Variants in SLC38A1 observed in about 807,000 individuals in gnomAD.
SLC38A1 encodes sodium-coupled neutral amino acid symporter 1.
A neutral mutation model predicts 60.3 loss-of-function variants in SLC38A1; 18 were observed. The observed-to-expected ratio is 0.30, with a 90% CI of 0.21 to 0.44. The LOEUF (loss-of-function observed/expected upper bound fraction) is 0.44. Among genes scored for constraint, SLC38A1 ranks in the 20% least tolerant of loss-of-function variants. The pLI, the probability that SLC38A1 is intolerant of heterozygous loss-of-function variation, is 1.00. For missense variants in SLC38A1, 448 were observed against 587.2 expected (o/e 0.76, Z 2.45); for synonymous variants, 196 against 212.1 (o/e 0.92, Z 0.66).
Position 46,188,291 on chromosome 12 carries a change from T to C in SLC38A1, c.*679A>G, listed in dbSNP as rs1383192258. On this transcript the variant is annotated 3_prime_UTR_variant, in exon 17 of 17. Transcript: ENST00000398637. Reference sequence around the variant, plus strand: ...GGTAAGAATCATCCCCAACCACTTTTCAGCTGAGAACACTTGCCAGAGAAT... The same window carrying C: ...GGTAAGAATCATCCCCAACCACTTTCCAGCTGAGAACACTTGCCAGAGAAT... The C allele has an allele frequency of 1.3e-5, 2 of 152,274 alleles. No individual in the cohort carries two copies. Among genetic ancestry groups the C allele is most frequent in the Non-Finnish European group, 2.9e-5 (2 of 68,036 alleles). 9.4% of individuals were successfully genotyped at this position (152,274 alleles called of 1,614,324 possible).
At chr12:46,197,660 T>C (rs1939443269) in intron 16 of SLC38A1, 60 bp downstream of exon 16, 1 of 1,125,526 alleles carries the variant, frequency 8.9e-7, no homozygotes, top group African/African-American at 1.6e-5. Context: ...GGACTATTTA[T>C]TTTGTAAATT....
chr12:46,196,519 T>C (rs1411671191), intron 16 of SLC38A1, among the ~76,000 whole-genome samples: 1 of 152,196 alleles, frequency 6.6e-6, no homozygotes, highest in Non-Finnish European at 1.5e-5. Flanking sequence ...AGAGTGACTG[T>C]TTCTTCCTCT....
intron 9 of SLC38A1, among the ~76,000 whole-genome samples, chr12:46,204,988 G>T (rs947604083): frequency 6.6e-6 from 1 of 152,156 alleles, no homozygotes. Flanking sequence ...CCCCTCAATA[G>T]CTCTTTATTA....
chr12:46,226,574 C>T (rs1427090981), intron 5 of SLC38A1, among the ~76,000 whole-genome samples: 3 of 147,326 alleles, frequency 2.0e-5, no homozygotes, highest in African/African-American at 7.4e-5. Context: ...TTCATCAACA[C>T]AATAATGTAA....
Position 46,238,082 on chromosome 12 carries a change from C to T in SLC38A1, c.122+1597G>A, listed in dbSNP as rs180799084. 2.6e-4 allele frequency among the ~76,000 whole-genome samples: 39 copies of T among 151,768 alleles called. 2 individuals carry two copies. Among genetic ancestry groups the T allele is most frequent in the African/African-American group, 4.9e-4 (20 of 41,124 alleles). ...GAACCTTAGTTTCCTTATTTGTAAA[C>T]GGAAACTTTACATTTTTCTCACTTG... On this transcript the variant is annotated intron_variant, in intron 3 of 16. Transcript: ENST00000398637.
intron 3 of SLC38A1, among the ~76,000 whole-genome samples, chr12:46,234,663 G>A (rs937176219): frequency 1.1e-4 from 16 of 151,884 alleles, no homozygotes; most frequent in African/African-American, 3.6e-4. Context: ...TAGCCAGGAT[G>A]GTATCGATCT....
intron 1 of SLC38A1, among the ~76,000 whole-genome samples, chr12:46,249,662 C>T (rs1941764170): frequency 6.6e-6 from 1 of 152,114 alleles, no homozygotes; most frequent in African/African-American, 2.4e-5. Context: ...GATATCACCA[C>T]CAATCCCACA....
chr12:46,232,434 T>G (rs768166095), intron 3 of SLC38A1, among the ~76,000 whole-genome samples: 2 of 152,270 alleles, frequency 1.3e-5, no homozygotes, highest in Non-Finnish European at 2.9e-5. Context: ...AGCAATATAT[T>G]TGCAGGCAAA....
At chr12:46,257,888 G>A (rs535184276) in intron 1 of SLC38A1, among the ~76,000 whole-genome samples, 2 of 152,318 alleles carry the variant, frequency 1.3e-5, no homozygotes, top group Admixed American at 6.5e-5. Context: ...CTTAGATCTC[G>A]CACAAGAAAA....
At chr12:46,253,961 A>G (rs1941943658) in intron 1 of SLC38A1, among the ~76,000 whole-genome samples, 3 of 152,146 alleles carry the variant, frequency 2.0e-5, no homozygotes, top group African/African-American at 7.2e-5. Context: ...AGTTCTGACA[A>G]AAAGTAATAT....
At chr12:46,249,168 A>AGAAAAAAAG (rs1555191159) in intron 1 of SLC38A1, among the ~76,000 whole-genome samples, 6 of 126,442 alleles carry the variant, frequency 4.7e-5, no homozygotes, top group Admixed American at 1.7e-4. Flanking sequence ...AAAAAAAAAA[A>AGAAAAAAAG]AAAAAAAGAA....
Position 46,184,306 on chromosome 12 carries a change from AG to A in SLC38A1, c.*4663del, listed in dbSNP as rs1938865180. 1 of 152,218 alleles carries A rather than the reference AG, an allele frequency of 6.6e-6. No homozygotes were observed. Among genetic ancestry groups the A allele is most frequent in the Non-Finnish European group, 1.5e-5 (1 of 68,044 alleles). 9.4% of individuals were successfully genotyped at this position (152,218 alleles called of 1,614,324 possible). A position where few individuals can be genotyped will look rare whatever the true frequency, so the allele number is the denominator to read the frequency against. Reference sequence around the variant, plus strand: ...TAGGGGAAGTATGTCCTGTTGCTAAAGGATTCTCAAACCTGCCATCCCCAAG... The same window carrying A: ...TAGGGGAAGTATGTCCTGTTGCTAAAGATTCTCAAACCTGCCATCCCCAAG... On this transcript the variant is annotated 3_prime_UTR_variant, in exon 17 of 17. Coordinates refer to ENST00000398637, the MANE Select transcript of SLC38A1 (RefSeq NM_030674.4).
In SLC38A1 at chr12:46,186,905, A is replaced by C. The variant is rs1443481979; in HGVS notation, c.*2065T>G. ...GTATTTTTAAAGGTACAGTCATCCC[A>C]CTACCTGGCTATTTCATTACTTGGT... is the stretch of plus-strand genomic sequence containing the variant. On this transcript the variant is annotated 3_prime_UTR_variant, in exon 17 of 17. Coordinates refer to ENST00000398637, the MANE Select transcript of SLC38A1 (RefSeq NM_030674.4). 1 of 152,224 alleles carries C rather than the reference A, an allele frequency of 6.6e-6. No homozygotes were observed. The highest frequency in any genetic ancestry group is 6.5e-5 in the Admixed American group (1 of 15,274). 9.4% of individuals were successfully genotyped at this position (152,224 alleles called of 1,614,324 possible).
chr12:46,247,921 T>A (rs1180706887), intron 1 of SLC38A1, among the ~76,000 whole-genome samples: 1 of 152,228 alleles, frequency 6.6e-6, no homozygotes, highest in Non-Finnish European at 1.5e-5. Context: ...CAGAATTTCA[T>A]ATCCAGCGAA....
chr12:46,230,837 T>A (rs929806061), intron 3 of SLC38A1, among the ~76,000 whole-genome samples: 4 of 152,212 alleles, frequency 2.6e-5, no homozygotes, highest in Admixed American at 6.5e-5. Context: ...GGAATGCTTA[T>A]ACACCATTGG....
intron 5 of SLC38A1, among the ~76,000 whole-genome samples, chr12:46,220,419 G>C (rs1262174395): frequency 6.6e-6 from 1 of 152,172 alleles, no homozygotes; most frequent in Admixed American, 6.5e-5. Flanking sequence ...ACAAGAAACT[G>C]ATTGGCAAGA....
intron 5 of SLC38A1, among the ~76,000 whole-genome samples, chr12:46,226,023 A>G (rs1048223746): frequency 6.6e-6 from 1 of 152,258 alleles, no homozygotes; most frequent in Non-Finnish European, 1.5e-5. Context: ...GTTTAAAAAC[A>G]TAACATAATC....
intron 16 of SLC38A1, among the ~76,000 whole-genome samples, chr12:46,194,461 G>C (rs1187336284): frequency 6.6e-6 from 1 of 152,150 alleles, no homozygotes; most frequent in Admixed American, 6.5e-5. Context: ...TGTATTTCCT[G>C]AATTTGAATG....
intron 5 of SLC38A1, among the ~76,000 whole-genome samples, chr12:46,211,401 G>A (rs1430565863): frequency 2.0e-5 from 3 of 152,178 alleles, no homozygotes; most frequent in South Asian, 2.1e-4. Context: ...AGCAGGAGGG[G>A]ATAATTATGA....
Sources: gnomAD v4.1 joint callset for allele counts (sites outside exome capture counted in the v4.1 genomes callset) on GRCh38, gnomAD v4.1.1 for gene constraint, MANE v1.5 for transcripts, NCBI Gene and HGNC (gene_info 2026-07-23, HGNC 2026-07-21) for gene names.